Variants in ATP8A2 observed in about 807,000 individuals in gnomAD.
ATP8A2 encodes ATPase phospholipid transporting 8A2.
Under a neutral mutation model 165.6 loss-of-function variants are expected in ATP8A2, and 100 were observed. That is an observed-to-expected ratio of 0.60 (90% CI 0.51 to 0.71). ATP8A2 has a LOEUF of 0.71. Among genes scored for constraint, ATP8A2 ranks in the 30% least tolerant of loss-of-function variants. The pLI, the probability that ATP8A2 is intolerant of heterozygous loss-of-function variation, is 0.00. For synonymous variants in ATP8A2, 543 were observed against 548.8 expected, an observed-to-expected ratio of 0.99 and a Z score of 0.15; for missense variants, 1,227 against 1,479.5, an observed-to-expected ratio of 0.83 and a Z score of 2.80.
At chr13:25,735,770 C>T (rs1263174802) in intron 25 of ATP8A2, among the ~76,000 whole-genome samples, 1 of 152,096 alleles carries the variant, frequency 6.6e-6, no homozygotes, top group Non-Finnish European at 1.5e-5. Context: ...TTGGTGACGT[C>T]GTAGCTGTTG....
At chr13:25,872,427 A>G (rs1952704108) in intron 33 of ATP8A2, among the ~76,000 whole-genome samples, 1 of 152,182 alleles carries the variant, frequency 6.6e-6, no homozygotes, top group South Asian at 2.1e-4. Flanking sequence ...GCCTGAAGCT[A>G]GAGCCATCTC....
intron 25 of ATP8A2, among the ~76,000 whole-genome samples, chr13:25,724,947 C>T (rs939555668): frequency 6.6e-6 from 1 of 152,250 alleles, no homozygotes; most frequent in Non-Finnish European, 1.5e-5. Context: ...TCAGAGTAAA[C>T]AAGTGATTGA....
At chr13:25,988,758 A>T (rs1593677654) in intron 35 of ATP8A2, among the ~76,000 whole-genome samples, 1 of 152,348 alleles carries the variant, frequency 6.6e-6, no homozygotes, top group East Asian at 1.9e-4. Flanking sequence ...ATAATTTCTC[A>T]AAGTCCTCTG....
chr13:25,525,635 C>G (rs1212542525), intron 2 of ATP8A2, among the ~76,000 whole-genome samples: 1 of 152,046 alleles, frequency 6.6e-6, no homozygotes, highest in Non-Finnish European at 1.5e-5. Context: ...TGTTCCACTC[C>G]CTTCTGGCCT....
intron 24 of ATP8A2, among the ~76,000 whole-genome samples, chr13:25,636,607 A>C (rs2041373780): frequency 6.6e-6 from 1 of 152,140 alleles, no homozygotes; most frequent in African/African-American, 2.4e-5. Context: ...ATGAAGCATA[A>C]ACAAACATGA....
intron 33 of ATP8A2, among the ~76,000 whole-genome samples, chr13:25,888,165 C>G (rs1488890204): frequency 6.8e-6 from 1 of 147,404 alleles, no homozygotes; most frequent in African/African-American, 2.5e-5. Flanking sequence ...GCCAGCTAGA[C>G]AGAGGTTCAT....
At chr13:25,380,286 T>A (rs1250091831) in intron 1 of ATP8A2, among the ~76,000 whole-genome samples, 1 of 152,168 alleles carries the variant, frequency 6.6e-6, no homozygotes, top group African/African-American at 2.4e-5. Context: ...TGTCTAATAT[T>A]TGTCCTTTAG....
intron 26 of ATP8A2, among the ~76,000 whole-genome samples, chr13:25,769,940 A>G (rs1449971744): frequency 2.0e-5 from 3 of 152,192 alleles, no homozygotes; most frequent in Non-Finnish European, 4.4e-5. Flanking sequence ...CCACTCCGTA[A>G]TGATAGCCCA....
intron 36 of ATP8A2, 82 bp from the exon 37 acceptor site, chr13:26,019,806 A>G: frequency 2.1e-6 from 2 of 967,236 alleles, no homozygotes; most frequent in South Asian, 2.8e-5. Context: ...GCACGCTGCC[A>G]AAAAAAAGCA....
chr13:26,014,495 G>A (rs74691598), intron 36 of ATP8A2, among the ~76,000 whole-genome samples: 8,393 of 152,174 alleles, frequency 0.055, 577 homozygotes, highest in African/African-American at 0.16. Context: ...TTAGCATCTC[G>A]TTGTCTGGAT....
chr13:25,795,966 A>T lies in ATP8A2; in HGVS notation c.2679+21007A>T, dbSNP rs922001840. Among the ~76,000 whole-genome samples, 38 of 149,590 alleles carry T rather than the reference A, an allele frequency of 2.5e-4. No individual in the cohort carries two copies. The East Asian group carries it at 2.9e-3, about 12-fold the overall frequency. ...ACTAACATATCTTTTTTTTTTTTTT[A>T]AAAGACAGGGTCTTGCTCTGTCACC... On this transcript the variant is annotated intron_variant, in intron 27 of 36. Coordinates refer to ENST00000381655, the MANE Select transcript of ATP8A2 (RefSeq NM_016529.6).
chr13:25,447,680 T>A (rs1593319613), intron 1 of ATP8A2, among the ~76,000 whole-genome samples: 1 of 152,180 alleles, frequency 6.6e-6, no homozygotes, highest in South Asian at 2.1e-4. Context: ...TTAAATCAGC[T>A]CAGTGGAGGG....
chr13:25,940,539 T>C (rs1398939800), intron 33 of ATP8A2, among the ~76,000 whole-genome samples: 1 of 152,074 alleles, frequency 6.6e-6, no homozygotes, highest in Non-Finnish European at 1.5e-5. Flanking sequence ...CCGGTTCCCC[T>C]CCCTCACTGT....
intron 24 of ATP8A2, among the ~76,000 whole-genome samples, chr13:25,611,126 A>T (rs1028915889): frequency 6.6e-6 from 1 of 151,936 alleles, no homozygotes; most frequent in Non-Finnish European, 1.5e-5. Context: ...ACTGATTTGG[A>T]TGCCCTTTAT....
intron 1 of ATP8A2, among the ~76,000 whole-genome samples, chr13:25,402,678 G>T (rs746501403): frequency 2.6e-5 from 4 of 152,222 alleles, no homozygotes; most frequent in Non-Finnish European, 5.9e-5. Flanking sequence ...CAGTGCAACA[G>T]TATTAAGAGG....
intron 1 of ATP8A2, among the ~76,000 whole-genome samples, chr13:25,449,530 T>C (rs2035156668): frequency 6.6e-6 from 1 of 152,196 alleles, no homozygotes; most frequent in Non-Finnish European, 1.5e-5. Flanking sequence ...GCATCTTCAC[T>C]TGTGGGATGG....
chr13:25,649,098 T>A (rs180819933), intron 24 of ATP8A2: 37 of 472,470 alleles, frequency 7.8e-5, no homozygotes, highest in African/African-American at 6.4e-4. Context: ...GTCCTTGCGT[T>A]GGTGTTTGTG....
intron 24 of ATP8A2, among the ~76,000 whole-genome samples, chr13:25,601,591 A>C (rs1167478984): frequency 1.3e-5 from 2 of 152,130 alleles, no homozygotes; most frequent in African/African-American, 4.8e-5. Flanking sequence ...CAGCCTCTCA[A>C]GTAGGTGGGA....
At chr13:25,657,263 G>A (rs896536018) in intron 24 of ATP8A2, among the ~76,000 whole-genome samples, 1 of 151,964 alleles carries the variant, frequency 6.6e-6, no homozygotes, top group Non-Finnish European at 1.5e-5. Flanking sequence ...ATCCTCTTTT[G>A]CCTTGTCTGG....
Sources: gnomAD v4.1 joint callset for allele counts (sites outside exome capture counted in the v4.1 genomes callset) on GRCh38, gnomAD v4.1.1 for gene constraint, MANE v1.5 for transcripts, NCBI Gene and HGNC (gene_info 2026-07-23, HGNC 2026-07-21) for gene names.